Variants in TBL1X observed in about 807,000 individuals in gnomAD.
TBL1X encodes the protein F-box-like/WD repeat-containing protein TBL1X.
TBL1X carries 10 observed loss-of-function variants against 50.7 expected under a neutral mutation model. The ratio of observed to expected loss-of-function variants is 0.20; its 90% confidence interval spans 0.12 to 0.33. The LOEUF (loss-of-function observed/expected upper bound fraction) is 0.33. Ranked by LOEUF, TBL1X falls within the 10% of genes least tolerant of loss-of-function variation. The pLI is 1.00. For missense variants in TBL1X, 340 were observed against 504.4 expected (o/e 0.67, Z 3.12); for synonymous variants, 190 against 214.7 (o/e 0.88, Z 1.01).
At chrX:9,661,886 A>G (rs1029727623) in intron 5 of TBL1X, among the ~76,000 whole-genome samples, 2 of 111,135 alleles carry the variant, frequency 1.8e-5, no homozygotes, top group Non-Finnish European at 3.8e-5. Flanking sequence ...ATCCCCTCTG[A>G]AAAAGCACCA....
intron 17 of TBL1X, among the ~76,000 whole-genome samples, chrX:9,715,842 G>A (rs970519881): frequency 9.9e-5 from 11 of 111,207 alleles, no homozygotes; most frequent in Non-Finnish European, 1.5e-4. Context: ...GCAAGCGGCC[G>A]TTCTGGCTGA....
chrX:9,717,886 C>CT lies in TBL1X; in HGVS notation c.*1641dup, dbSNP rs1300354724. 1 of 112,261 alleles carries CT rather than the reference C, an allele frequency of 8.9e-6. No homozygotes were observed. The highest frequency in any genetic ancestry group is 2.8e-4 in the East Asian group (1 of 3,599). The allele number at this position is 112,261 out of a possible 1,213,427, so 9.3% of individuals were successfully genotyped here. The stretch of plus-strand genomic sequence containing the variant: ...TATAATTTCTTTGTCTCACAGAAGA[C>CT]TAGGAGAAAGATCTTTTTTAAATAA... On this transcript the variant is annotated 3_prime_UTR_variant, in exon 18 of 18. Coordinates refer to ENST00000645353, the MANE Select transcript of TBL1X (RefSeq NM_005647.4).
chrX:9,630,620 C>CT (rs1408901462), intron 2 of TBL1X, among the ~76,000 whole-genome samples: 3 of 109,425 alleles, frequency 2.7e-5, no homozygotes, highest in Non-Finnish European at 5.7e-5. Context: ...TTTTTTCTTT[C>CT]TTTTTTTGAC....
At chrX:9,574,200 A>G (rs73476826) in intron 2 of TBL1X, among the ~76,000 whole-genome samples, 1,381 of 110,301 alleles carry the variant, frequency 0.013, 18 homozygotes, top group African/African-American at 0.044. Flanking sequence ...GCAGTGGCTC[A>G]CATCTGTAGT....
At position 9,596,859 on chromosome X, in the gene TBL1X, A is replaced by G. The variant is rs719165; in HGVS notation, c.-130-43414A>G. 3.4e-3 allele frequency among the ~76,000 whole-genome samples: 376 copies of G among 111,029 alleles called. 1 individual carries two copies. The highest frequency in any genetic ancestry group is 0.012 in the African/African-American group (358 of 30,500). ...TGTGGTGGTCTCTGAGAACCCATGA[A>G]TAAGGATCCCAGGGAAGCCTTTCTA... is the stretch of plus-strand genomic sequence containing the variant. On this transcript the variant is annotated intron_variant, in intron 2 of 17. Transcript: ENST00000645353.
chrX:9,699,666 C>T (rs1361735239), intron 12 of TBL1X, among the ~76,000 whole-genome samples: 1 of 111,532 alleles, frequency 9.0e-6, no homozygotes, highest in African/African-American at 3.3e-5. Flanking sequence ...GACCATGAAC[C>T]GAAGGTCCCG....
intron 2 of TBL1X, among the ~76,000 whole-genome samples, chrX:9,535,308 C>A (rs994102614): frequency 8.9e-6 from 1 of 112,481 alleles, no homozygotes; most frequent in Admixed American, 9.4e-5. Context: ...GAAACGAAAT[C>A]ATCGTGCACA....
At chrX:9,653,823 A>C in intron 4 of TBL1X, 134 bp downstream of exon 4, 2 of 578,749 alleles carry the variant, frequency 3.5e-6, no homozygotes, top group South Asian at 3.2e-5. Context: ...CGTCTGCCTG[A>C]GTGCACTTTG....
chrX:9,596,521 G>A (rs912687342), intron 2 of TBL1X, among the ~76,000 whole-genome samples: 4 of 110,791 alleles, frequency 3.6e-5, no homozygotes, highest in Non-Finnish European at 5.7e-5. Context: ...CAGGGATGCC[G>A]CTCAACATCC....
At chrX:9,584,566 T>C (rs1445806335) in intron 2 of TBL1X, among the ~76,000 whole-genome samples, 1 of 111,832 alleles carries the variant, frequency 8.9e-6, no homozygotes, top group Non-Finnish European at 1.9e-5. Context: ...ATTTTAGAGA[T>C]GGGGTAGTAG....
chrX:9,609,683 C>T (rs759425189), intron 2 of TBL1X, among the ~76,000 whole-genome samples: 88 of 110,593 alleles, frequency 8.0e-4, no homozygotes, highest in Non-Finnish European at 1.3e-3. Context: ...AGAGGCTGTG[C>T]GGGTTGCGTG....
chrX:9,507,129 T>C (rs2082030032), intron 2 of TBL1X, among the ~76,000 whole-genome samples: 1 of 112,066 alleles, frequency 8.9e-6, no homozygotes, highest in African/African-American at 3.2e-5. Flanking sequence ...GGTATTCAAA[T>C]AGGAAGAGAG....
At chrX:9,551,123 ACT>A (rs1038281899) in intron 2 of TBL1X, among the ~76,000 whole-genome samples, 18 of 111,193 alleles carry the variant, frequency 1.6e-4, no homozygotes, top group African/African-American at 5.6e-4. Context: ...CATGTAGATG[ACT>A]CTGCTCAGCG....
chrX:9,474,912 C>T (rs949733583), intron 1 of TBL1X, among the ~76,000 whole-genome samples: 16 of 112,516 alleles, frequency 1.4e-4, no homozygotes, highest in African/African-American at 4.2e-4. Flanking sequence ...CTCACTCTGT[C>T]GCCTAGGCTA....
chrX:9,468,539 C>T (rs2146920301), intron 1 of TBL1X, among the ~76,000 whole-genome samples: 1 of 111,383 alleles, frequency 9.0e-6, no homozygotes, highest in South Asian at 3.7e-4. Context: ...CCCCCACGTC[C>T]AAGTGAGCCC....
At chrX:9,508,377 A>G (rs1355439875) in intron 2 of TBL1X, among the ~76,000 whole-genome samples, 1 of 112,320 alleles carries the variant, frequency 8.9e-6, no homozygotes, top group Non-Finnish European at 1.9e-5. Context: ...GCAAATCAAA[A>G]CCTCAATGAG....
chrX:9,620,146 C>T (rs889715227), intron 2 of TBL1X, among the ~76,000 whole-genome samples: 3 of 112,068 alleles, frequency 2.7e-5, no homozygotes, highest in African/African-American at 9.7e-5. Context: ...CGTGTGGCTT[C>T]TACTTCTCCA....
chrX:9,701,540 A>T (rs1474889756), intron 12 of TBL1X, among the ~76,000 whole-genome samples: 16 of 101,065 alleles, frequency 1.6e-4, no homozygotes, highest in African/African-American at 5.7e-4. Context: ...CACATAAAAT[A>T]CGCTAACACT....
At chrX:9,710,157 C>T (rs932526840) in intron 15 of TBL1X, among the ~76,000 whole-genome samples, 10 of 102,474 alleles carry the variant, frequency 9.8e-5, no homozygotes, top group African/African-American at 3.6e-4. Context: ...ATTGAGGCTG[C>T]AGTGCGCGGT....
Sources: allele counts gnomAD v4.1 joint callset (sites outside exome capture counted in the v4.1 genomes callset), GRCh38; gene constraint gnomAD v4.1.1; transcripts MANE v1.5; gene names NCBI Gene and HGNC (gene_info 2026-07-23, HGNC 2026-07-21).